The following TNNI3K variants were observed in gnomAD, a reference collection of about 807,000 sequenced individuals.
TNNI3K encodes the protein TNNI3 interacting kinase.
TNNI3K carries 140 observed loss-of-function variants against 114.5 expected under a neutral mutation model. The observed-to-expected ratio is 1.22, with a 90% CI of 1.07 to 1.41. The LOEUF (loss-of-function observed/expected upper bound fraction) is 1.41. Ranked by LOEUF, TNNI3K falls within the 40% of genes most tolerant of loss-of-function variation. TNNI3K has a pLI of 0.00. For synonymous variants in TNNI3K, 347 were observed against 347.5 expected, an observed-to-expected ratio of 1.00 and a Z score of 0.02; for missense variants, 1,125 against 1,007.6, an observed-to-expected ratio of 1.12 and a Z score of -1.58.
At chr1:74,298,728 G>C (rs1338800825) in intron 5 of TNNI3K, among the ~76,000 whole-genome samples, 1 of 151,978 alleles carries the variant, frequency 6.6e-6, no homozygotes, top group African/African-American at 2.4e-5. Context: ...CCTTATGCGG[G>C]AGTTGCATCA....
chr1:74,538,298 G>A (rs1413160712), intron 23 of TNNI3K, among the ~76,000 whole-genome samples: 3 of 152,096 alleles, frequency 2.0e-5, no homozygotes, highest in African/African-American at 4.8e-5. Context: ...GGAATTGCAG[G>A]GGAATGCTGT....
At chr1:74,526,074 A>G (rs1646501127) in intron 23 of TNNI3K, among the ~76,000 whole-genome samples, 1 of 152,230 alleles carries the variant, frequency 6.6e-6, no homozygotes, top group South Asian at 2.1e-4. Context: ...CAGTGCTTGT[A>G]ATTTTGTAAC....
intron 21 of TNNI3K, among the ~76,000 whole-genome samples, chr1:74,478,139 A>C (rs1217955619): frequency 1.3e-5 from 2 of 152,232 alleles, no homozygotes; most frequent in Non-Finnish European, 2.9e-5. Flanking sequence ...AGAAGTATAG[A>C]TAACTCACCA....
At chr1:74,513,195 C>T (rs1237339379) in intron 23 of TNNI3K, among the ~76,000 whole-genome samples, 1 of 152,138 alleles carries the variant, frequency 6.6e-6, no homozygotes. Context: ...GAGAAAGAGT[C>T]CGAATGACCC....
At chr1:74,391,320 A>G (rs1301900466) in intron 17 of TNNI3K, among the ~76,000 whole-genome samples, 2 of 152,208 alleles carry the variant, frequency 1.3e-5, no homozygotes, top group African/African-American at 2.4e-5. Flanking sequence ...TTGGGAATCT[A>G]TGGTGACATT....
chr1:74,291,639 A>G (rs1191475818), intron 5 of TNNI3K, among the ~76,000 whole-genome samples: 1 of 151,594 alleles, frequency 6.6e-6, no homozygotes, highest in African/African-American at 2.4e-5. Context: ...TCTTAACCAT[A>G]GTTCCAACCT....
At chr1:74,471,877 A>G in intron 21 of TNNI3K, 1 of 455,152 alleles carries the variant, frequency 2.2e-6, no homozygotes, top group South Asian at 5.4e-5. Context: ...GTAATCTTCA[A>G]ATTGCTCACA....
At chr1:74,299,794 G>A (rs1250360320) in intron 5 of TNNI3K, among the ~76,000 whole-genome samples, 3 of 152,074 alleles carry the variant, frequency 2.0e-5, no homozygotes, top group Non-Finnish European at 4.4e-5. Flanking sequence ...GGTTTGGAGA[G>A]GATGCTGAAG....
At position 74,477,820 on chromosome 1, in the gene TNNI3K, G is replaced by A. The variant is rs558690670; in HGVS notation, c.2122-11369G>A. On this transcript the variant is annotated intron_variant, in intron 21 of 24. Transcript: ENST00000326637. ...AGACGTTTGAATTTTCTTTGCCATG[G>A]GCATTGTTTCTATTTTTAAAAAGTG... 1.4e-4 allele frequency among the ~76,000 whole-genome samples: 21 copies of A among 152,260 alleles called. No individual in the cohort carries two copies. The South Asian group carries it at 4.4e-3, about 32-fold the overall frequency.
At chr1:74,400,595 A>G (rs187345782) in intron 17 of TNNI3K, among the ~76,000 whole-genome samples, 8 of 152,358 alleles carry the variant, frequency 5.3e-5, no homozygotes, top group Admixed American at 1.3e-4. Context: ...GCAAAAGTCT[A>G]TCATTGCTCT....
chr1:74,328,394 A>G (rs1424753400), intron 5 of TNNI3K, among the ~76,000 whole-genome samples: 2 of 150,708 alleles, frequency 1.3e-5, no homozygotes, highest in Middle Eastern at 3.4e-3. Flanking sequence ...GTATGAGTGT[A>G]CTTGTCTTAG....
chr1:74,429,789 G>A (rs1665806326), intron 17 of TNNI3K, among the ~76,000 whole-genome samples: 1 of 152,108 alleles, frequency 6.6e-6, no homozygotes, highest in South Asian at 2.1e-4. Context: ...TGCTTCCACT[G>A]ATTTAACCCT....
chr1:74,538,340 G>C (rs958104908), intron 23 of TNNI3K, among the ~76,000 whole-genome samples: 5 of 151,970 alleles, frequency 3.3e-5, no homozygotes, highest in South Asian at 2.1e-4. Flanking sequence ...AGACCCTTTG[G>C]GGGGAGTATT....
intron 4 of TNNI3K, among the ~76,000 whole-genome samples, chr1:74,257,697 C>T (rs1462836131): frequency 1.9e-5 from 2 of 107,074 alleles, no homozygotes; most frequent in African/African-American, 3.7e-5. Context: ...GAGGCGGAGT[C>T]TCGCTCTGTC....
At position 74,489,197 on chromosome 1, in the gene TNNI3K, C is replaced by G. The variant is rs769499374; in HGVS notation, c.2130C>G (p.Pro710=). ...RGWNACPEGR[P]EFSEVVMKLE... Reference sequence around the variant, plus strand: ...CTTTTTTCTATTTACAGGGAAGACCCGAATTTTCTGAAGTTGTCATGAAGT... The same window carrying G: ...CTTTTTTCTATTTACAGGGAAGACCGGAATTTTCTGAAGTTGTCATGAAGT... The change falls in exon 22 of 25, where the codon CCC becomes CCG. Residue 710 remains proline (P), a synonymous_variant. Transcript: ENST00000326637. The G allele has an allele frequency of 6.2e-7, 1 of 1,610,284 alleles. No individual in the cohort carries two copies. Among genetic ancestry groups the G allele is most frequent in the Admixed American group, 1.7e-5 (1 of 59,466 alleles).
At chr1:74,353,846 C>A (rs1661516718) in intron 10 of TNNI3K, 134 bp from the exon 11 acceptor site, 3 of 1,294,454 alleles carry the variant, frequency 2.3e-6, no homozygotes, top group Non-Finnish European at 3.1e-6. Context: ...AAAATTAGTT[C>A]TTTATCAAAG....
chr1:74,460,192 C>T (rs1003737140), intron 20 of TNNI3K, among the ~76,000 whole-genome samples: 13 of 151,896 alleles, frequency 8.6e-5, no homozygotes, highest in Admixed American at 3.3e-4. Context: ...TTTCCTGCCT[C>T]GAGTAGCTGG....
At chr1:74,537,945 G>T (rs1001898019) in intron 23 of TNNI3K, among the ~76,000 whole-genome samples, 1 of 152,118 alleles carries the variant, frequency 6.6e-6, no homozygotes, top group African/African-American at 2.4e-5. Context: ...GCTAAGTCTT[G>T]TTATAATTCC....
At chr1:74,277,062 T>C (rs1265620945) in intron 5 of TNNI3K, among the ~76,000 whole-genome samples, 3 of 152,184 alleles carry the variant, frequency 2.0e-5, no homozygotes, top group African/African-American at 7.2e-5. Context: ...CATTAAATCC[T>C]CTTTTTCCCT....
Sources: gnomAD v4.1 joint callset for allele counts (sites outside exome capture counted in the v4.1 genomes callset) on GRCh38, gnomAD v4.1.1 for gene constraint, MANE v1.5 for transcripts, NCBI Gene and HGNC (gene_info 2026-07-23, HGNC 2026-07-21) for gene names.